The following SNX29 variants were observed in gnomAD, a reference collection of about 807,000 sequenced individuals.
SNX29 encodes sorting nexin-29.
A neutral mutation model predicts 102.1 loss-of-function variants in SNX29; 78 were observed. The ratio of observed to expected loss-of-function variants is 0.76; its 90% confidence interval spans 0.64 to 0.92. The LOEUF (loss-of-function observed/expected upper bound fraction) is 0.92. SNX29 is among the 40% of genes least tolerant of loss of function. The pLI, the probability that SNX29 is intolerant of heterozygous loss-of-function variation, is 0.00. For missense variants in SNX29, 1,280 were observed against 1,061.7 expected, an observed-to-expected ratio of 1.21 and a Z score of -2.86; for synonymous variants, 580 against 414.5, an observed-to-expected ratio of 1.40 and a Z score of -4.85.
intron 15 of SNX29, among the ~76,000 whole-genome samples, chr16:12,341,039 A>G (rs951222381): frequency 6.6e-5 from 10 of 152,200 alleles, no homozygotes; most frequent in African/African-American, 1.9e-4. Context: ...AGACGTGATG[A>G]TTACAGTGAA....
At chr16:12,022,238 T>C (rs1285406964) in intron 3 of SNX29, among the ~76,000 whole-genome samples, 2 of 151,856 alleles carry the variant, frequency 1.3e-5, no homozygotes, top group Admixed American at 6.6e-5. Flanking sequence ...TTCGCTCTTG[T>C]TGCTCAGGCT....
At chr16:12,465,462 A>G (rs6498305) in intron 18 of SNX29, among the ~76,000 whole-genome samples, 38,860 of 151,978 alleles carry the variant, frequency 0.26, 7,107 homozygotes, top group African/African-American at 0.51. Context: ...ATTTATTGAA[A>G]AGACAGTCTT....
chr16:11,997,754 C>T (rs908609563), intron 1 of SNX29, among the ~76,000 whole-genome samples: 4 of 152,178 alleles, frequency 2.6e-5, no homozygotes, highest in African/African-American at 9.7e-5. Context: ...GCTGGGATTA[C>T]AGGTGTGAGC....
intron 7 of SNX29, among the ~76,000 whole-genome samples, chr16:12,051,141 C>A (rs1398783205): frequency 6.6e-6 from 1 of 152,098 alleles, no homozygotes; most frequent in East Asian, 1.9e-4. Context: ...CTAGCCTGGG[C>A]AGCACAGCAA....
At chr16:12,195,678 G>A (rs1052813369) in intron 13 of SNX29, among the ~76,000 whole-genome samples, 1 of 152,210 alleles carries the variant, frequency 6.6e-6, no homozygotes, top group African/African-American at 2.4e-5. Flanking sequence ...TTTCAATGTT[G>A]CCCTGTTCAC....
At chr16:12,534,942 C>T (rs1224776948) in intron 20 of SNX29, among the ~76,000 whole-genome samples, 5 of 152,212 alleles carry the variant, frequency 3.3e-5, no homozygotes, top group African/African-American at 7.2e-5. Context: ...GGATGGCCTC[C>T]TCCCTGCACA....
At chr16:11,982,439 T>G (rs975809209) in intron 1 of SNX29, among the ~76,000 whole-genome samples, 477 of 150,592 alleles carry the variant, frequency 3.2e-3, no homozygotes, top group Admixed American at 4.4e-3. Flanking sequence ...TTTTTTTTTT[T>G]TTTGTTTTGA....
intron 1 of SNX29, among the ~76,000 whole-genome samples, chr16:11,996,881 G>C (rs1482443564): frequency 2.0e-5 from 3 of 152,160 alleles, no homozygotes; most frequent in Non-Finnish European, 2.9e-5. Flanking sequence ...ATGGTGCCTA[G>C]GCTATTCTTG....
intron 20 of SNX29, among the ~76,000 whole-genome samples, chr16:12,540,922 AC>A (rs1418804103): frequency 1.3e-5 from 2 of 152,036 alleles, no homozygotes; most frequent in East Asian, 3.9e-4. Flanking sequence ...CTGTCTGTTC[AC>A]CCCCTGCCCA....
intron 20 of SNX29, among the ~76,000 whole-genome samples, chr16:12,566,139 A>C (rs1476411521): frequency 1.3e-5 from 2 of 152,202 alleles, no homozygotes; most frequent in African/African-American, 2.4e-5. Flanking sequence ...GAGGGCAGGC[A>C]TTTGCCTACA....
At chr16:12,371,016 C>G (rs2082662767) in intron 16 of SNX29, among the ~76,000 whole-genome samples, 1 of 152,202 alleles carries the variant, frequency 6.6e-6, no homozygotes, top group South Asian at 2.1e-4. Flanking sequence ...AGCTTTCTTG[C>G]CCATGAGGTC....
intron 14 of SNX29, among the ~76,000 whole-genome samples, chr16:12,222,436 A>T (rs2077501908): frequency 6.6e-6 from 1 of 152,216 alleles, no homozygotes; most frequent in Admixed American, 6.5e-5. Flanking sequence ...TTGATAAAAG[A>T]CAACCACCAG....
In SNX29 at chr16:12,461,677, C is replaced by T. The variant is rs139681748; in HGVS notation, c.2038-16042C>T. ...TTATGATAGAAAATATTCAGGCTGG[C>T]CAGGTGCCATTGCTCACACCTGTAA... On this transcript the variant is annotated intron_variant, in intron 18 of 20. Coordinates refer to ENST00000566228, the MANE Select transcript of SNX29 (RefSeq NM_032167.5). 1.8e-3 allele frequency among the ~76,000 whole-genome samples: 267 copies of T among 151,896 alleles called. 2 individuals are homozygous for T. The highest frequency in any genetic ancestry group is 6.2e-3 in the African/African-American group (257 of 41,412).
intron 20 of SNX29, among the ~76,000 whole-genome samples, chr16:12,539,657 G>A (rs57614335): frequency 0.076 from 11,610 of 152,174 alleles, 628 homozygotes; most frequent in African/African-American, 0.15. Flanking sequence ...TTCCCACAGC[G>A]TATGAGGGGC....
intron 13 of SNX29, among the ~76,000 whole-genome samples, chr16:12,188,228 C>T (rs950270721): frequency 2.0e-5 from 3 of 152,176 alleles, no homozygotes; most frequent in African/African-American, 7.2e-5. Flanking sequence ...TTTATACACA[C>T]ACATACTTAT....
intron 4 of SNX29, among the ~76,000 whole-genome samples, chr16:12,028,802 G>T (rs1432464281): frequency 6.6e-6 from 1 of 152,128 alleles, no homozygotes; most frequent in East Asian, 1.9e-4. Context: ...AGGCTGGAGT[G>T]CAATGGCACC....
At chr16:12,234,585 T>G (rs2077868103) in intron 14 of SNX29, among the ~76,000 whole-genome samples, 1 of 152,224 alleles carries the variant, frequency 6.6e-6, no homozygotes, top group African/African-American at 2.4e-5. Context: ...AATTCATCTA[T>G]TTTTTCTTTT....
intron 20 of SNX29, among the ~76,000 whole-genome samples, chr16:12,530,331 G>T (rs954640061): frequency 6.6e-6 from 1 of 152,176 alleles, no homozygotes; most frequent in Admixed American, 6.5e-5. Context: ...CGGGGAAGGA[G>T]ATTGTGGGGA....
chr16:11,999,833 G>C (rs1188312833), intron 2 of SNX29, among the ~76,000 whole-genome samples: 1 of 151,870 alleles, frequency 6.6e-6, no homozygotes, highest in Non-Finnish European at 1.5e-5. Context: ...CCTGGTAGGT[G>C]GTAGTTGCAG....
Sources: gnomAD v4.1 joint callset for allele counts (sites outside exome capture counted in the v4.1 genomes callset) on GRCh38, gnomAD v4.1.1 for gene constraint, MANE v1.5 for transcripts, NCBI Gene and HGNC (gene_info 2026-07-23, HGNC 2026-07-21) for gene names.